Variants in RSPH4A observed in about 807,000 individuals in gnomAD.
RSPH4A encodes radial spoke head protein 4 homolog A.
A neutral mutation model predicts 71.0 loss-of-function variants in RSPH4A; 47 were observed. That is an observed-to-expected ratio of 0.66 (90% CI 0.52 to 0.84). The LOEUF (loss-of-function observed/expected upper bound fraction) is 0.84. Ranked by LOEUF, RSPH4A falls within the 40% of genes least tolerant of loss-of-function variation. The pLI, the probability that RSPH4A is intolerant of heterozygous loss-of-function variation, is 0.00. For missense variants in RSPH4A, 793 were observed against 855.2 expected, an observed-to-expected ratio of 0.93 and a Z score of 0.91; for synonymous variants, 282 against 302.3, an observed-to-expected ratio of 0.93 and a Z score of 0.70.
In RSPH4A at chr6:116,627,765, G is replaced by C; in HGVS notation, c.1058G>C (p.Cys353Ser). The C allele has an allele frequency of 1.2e-6, 2 of 1,614,168 alleles. No individual in the cohort carries two copies. Among genetic ancestry groups the C allele is most frequent in the Non-Finnish European group, 1.7e-6 (2 of 1,180,040 alleles). ...QLTDTHPIQR[C>S]RFWGKILGLE... ...ACTGATACCCACCCAATCCAAAGAT[G>C]CCGCTTCTGGGGAAAGATCTTGGGT... Residue 353 changes from cysteine (C) to serine (S), a missense_variant, in exon 3 of 6, where the codon TGC (cysteine) becomes TCC (serine). Cys to Ser is a moderately radical substitution (Grantham distance 112). Transcript: ENST00000229554.
chr6:116,631,869 A>G (rs1351917417), intron 5 of RSPH4A, among the ~76,000 whole-genome samples: 1 of 152,148 alleles, frequency 6.6e-6, no homozygotes, highest in Non-Finnish European at 1.5e-5. Context: ...CTATTTTTAT[A>G]TCTTTCTAAC....
intron 3 of RSPH4A, among the ~76,000 whole-genome samples, chr6:116,629,210 TTAA>T (rs1432605330): frequency 1.1e-4 from 17 of 152,342 alleles, no homozygotes; most frequent in African/African-American, 1.4e-4. Context: ...AATGTTATTG[TTAA>T]TAATAATCAT....
intron 2 of RSPH4A, among the ~76,000 whole-genome samples, chr6:116,626,900 TTTA>T (rs1450134754): frequency 1.3e-5 from 2 of 152,108 alleles, no homozygotes; most frequent in Non-Finnish European, 2.9e-5. Context: ...TTAATAAATG[TTTA>T]TTATTTTTAA....
At chr6:116,623,458 T>C (rs187765687) in intron 2 of RSPH4A, among the ~76,000 whole-genome samples, 7 of 152,334 alleles carry the variant, frequency 4.6e-5, no homozygotes, top group African/African-American at 1.7e-4. Context: ...TCAAACTCTT[T>C]TCACACTACT....
At chr6:116,622,557 GTT>G in intron 1 of RSPH4A, among the ~76,000 whole-genome samples, 1 of 152,256 alleles carries the variant, frequency 6.6e-6, no homozygotes, top group South Asian at 2.1e-4. Flanking sequence ...AAGACTTCAA[GTT>G]ATTGAAGTTC....
At position 116,630,847 on chromosome 6, in the gene RSPH4A, A is replaced by ATTT. The variant is rs10694358; in HGVS notation, c.1916+316_1916+318dup. 0.17 allele frequency among the ~76,000 whole-genome samples: 14,436 copies of ATTT among 86,992 alleles called. 1,541 individuals carry two copies. The highest frequency in any genetic ancestry group is 0.24 in the East Asian group (685 of 2,836). 57.1% of individuals were successfully genotyped at this position (86,992 alleles called of 152,430 possible). ...ACCACTATGCCCAGCTAATTTTTGT[A>ATTT]TTTTTTTTTTTTTTTTTTTTTTTAG... On this transcript the variant is annotated intron_variant, in intron 5 of 5. Coordinates refer to ENST00000229554, the MANE Select transcript of RSPH4A (RefSeq NM_001010892.3).
In RSPH4A at chr6:116,632,289, C is replaced by T; in HGVS notation, c.1999C>T (p.Gln667Ter). ...YTPPVPPPVY[Q>*]EYPSGPEITE... The stretch of plus-strand genomic sequence containing the variant: ...ACCCCCAGTTCCACCACCAGTTTAT[C>T]AAGAATACCCCAGTGGACCAGAAAT... Residue 667 changes from glutamine to a stop codon, truncating the protein, a stop_gained, in exon 6 of 6, where the codon CAA becomes TAA. Transcript: ENST00000229554. LOFTEE classifies it high-confidence loss of function. The T allele has an allele frequency of 6.2e-7, 1 of 1,613,190 alleles. No individual in the cohort carries two copies. The highest frequency in any genetic ancestry group is 8.5e-7 in the Non-Finnish European group (1 of 1,179,886).
chr6:116,625,380 G>A (rs1303637538), intron 2 of RSPH4A, among the ~76,000 whole-genome samples: 2 of 152,162 alleles, frequency 1.3e-5, no homozygotes, highest in African/African-American at 4.8e-5. Flanking sequence ...AGTCGATTGT[G>A]GGTTTGAGAG....
chr6:116,632,366 A>T lies in RSPH4A; in HGVS notation c.2076A>T (p.Ala692=), dbSNP rs746624798. 1.2e-5 allele frequency: 19 copies of T among 1,614,008 alleles called. No homozygotes were observed. The highest frequency in any genetic ancestry group is 1.6e-5 in the Non-Finnish European group (19 of 1,180,000). The part of the protein sequence containing the change: ...SVEEEQAFRA[A]QEAVLLAAEN... ...AGGAGGAGCAGGCTTTCAGGGCTGC[A>T]CAAGAAGCAGTTCTACTCGCAGCTG... Residue 692 remains alanine (A), a synonymous_variant, in exon 6 of 6, where the codon GCA becomes GCT. Transcript: ENST00000229554.
chr6:116,618,746 C>G (rs1388815664), intron 1 of RSPH4A, among the ~76,000 whole-genome samples: 1 of 152,240 alleles, frequency 6.6e-6, no homozygotes, highest in Non-Finnish European at 1.5e-5. Flanking sequence ...CAAGCAATCA[C>G]TTCTGCAGTG....
chr6:116,620,447 A>C (rs973306313), intron 1 of RSPH4A, among the ~76,000 whole-genome samples: 3 of 152,202 alleles, frequency 2.0e-5, no homozygotes, highest in African/African-American at 7.2e-5. Context: ...ACAGCCATAA[A>C]AGCTATTTTT....
intron 4 of RSPH4A, 98 bp from the exon 5 acceptor site, chr6:116,630,337 G>A (rs1466624434): frequency 2.6e-6 from 2 of 774,744 alleles, no homozygotes; most frequent in South Asian, 1.3e-5. Flanking sequence ...CTGTGTGTGT[G>A]CATGCATGTG....
chr6:116,632,495 T>C lies in RSPH4A; in HGVS notation c.*54T>C. 1.3e-6 allele frequency: 2 copies of C among 1,562,876 alleles called. No individual in the cohort carries two copies. Among genetic ancestry groups the C allele is most frequent in the East Asian group, 2.4e-5 (1 of 42,388 alleles). ...GACACTGATACACACACACCCCTTA[T>C]ATGGGACTAATTTTACACTTTTCTG... On this transcript the variant is annotated 3_prime_UTR_variant, in exon 6 of 6. Coordinates refer to ENST00000229554, the MANE Select transcript of RSPH4A (RefSeq NM_001010892.3).
intron 1 of RSPH4A, among the ~76,000 whole-genome samples, chr6:116,618,386 C>G (rs1314295043): frequency 6.6e-6 from 1 of 152,200 alleles, no homozygotes; most frequent in South Asian, 2.1e-4. Flanking sequence ...AGAGCAAGGA[C>G]TCTGAATTTT....
chr6:116,622,008 C>G (rs1006595681), intron 1 of RSPH4A, among the ~76,000 whole-genome samples: 2 of 152,096 alleles, frequency 1.3e-5, no homozygotes, highest in African/African-American at 2.4e-5. Flanking sequence ...AGGATAGAGG[C>G]AATTTCACTA....
Position 116,632,458 on chromosome 6 carries a change from CTGGTTTTATG to C in RSPH4A, c.*20_*29del. 6.3e-7 allele frequency: 1 copy of C among 1,598,920 alleles called. No homozygotes were observed. The highest frequency in any genetic ancestry group is 8.5e-7 in the Non-Finnish European group (1 of 1,172,174). ...TATGACTAATAAACATAAAATTAGCCTGGTTTTATGTGACACTGATACACACACACCCCTT... is the reference window on the plus strand; with the variant it reads ...TATGACTAATAAACATAAAATTAGCCTGACACTGATACACACACACCCCTT... On this transcript the variant is annotated 3_prime_UTR_variant, in exon 6 of 6. Coordinates refer to ENST00000229554, the MANE Select transcript of RSPH4A (RefSeq NM_001010892.3).
intron 2 of RSPH4A, 87 bp downstream of exon 2, chr6:116,623,089 T>C (rs1775638004): frequency 1.1e-6 from 1 of 881,342 alleles, no homozygotes; most frequent in Non-Finnish European, 1.9e-6. Context: ...ACCAACTGTA[T>C]TTTATAGCTT....
At chr6:116,624,002 CTCATAT>C (rs1281968308) in intron 2 of RSPH4A, among the ~76,000 whole-genome samples, 1 of 152,138 alleles carries the variant, frequency 6.6e-6, no homozygotes, top group Admixed American at 6.5e-5. Flanking sequence ...TTCCTAAATA[CTCATAT>C]ACTTGTAATT....
chr6:116,623,283 G>A (rs1483982789), intron 2 of RSPH4A, among the ~76,000 whole-genome samples: 1 of 151,902 alleles, frequency 6.6e-6, no homozygotes, highest in South Asian at 2.1e-4. Flanking sequence ...ATGGGGTTTC[G>A]CCGTATTGGC....
Sources: allele counts gnomAD v4.1 joint callset (sites outside exome capture counted in the v4.1 genomes callset), GRCh38; gene constraint gnomAD v4.1.1; transcripts MANE v1.5; gene names NCBI Gene and HGNC (gene_info 2026-07-23, HGNC 2026-07-21).